FARS2: variants seen among roughly 807,000 people sequenced by gnomAD.
FARS2 encodes phenylalanyl-tRNA synthetase 2, mitochondrial, also known as phenylalanine--tRNA ligase, mitochondrial.
Under a neutral mutation model 46.4 loss-of-function variants are expected in FARS2, and 40 were observed. That is an observed-to-expected ratio of 0.86 (90% CI 0.67 to 1.12). The LOEUF is 1.12. Ranked by LOEUF, FARS2 falls within the 50% of genes most tolerant of loss-of-function variation. The probability of loss-of-function intolerance (pLI) is 0.00; values close to 1 mark genes in which losing one functional copy is unlikely to be tolerated. For missense variants in FARS2, 513 were observed against 567.9 expected (o/e 0.90, Z 0.98); for synonymous variants, 234 against 214.9 (o/e 1.09, Z -0.78).
chr6:5,682,887 A>G (rs777474371), intron 6 of FARS2, among the ~76,000 whole-genome samples: 7 of 152,224 alleles, frequency 4.6e-5, no homozygotes, highest in Admixed American at 1.3e-4. Context: ...CATTTTAAGG[A>G]GAGTCAGGGA....
chr6:5,554,613 T>C (rs756844071), intron 5 of FARS2, among the ~76,000 whole-genome samples: 3 of 152,224 alleles, frequency 2.0e-5, no homozygotes, highest in Non-Finnish European at 4.4e-5. Flanking sequence ...GAGGACCTTA[T>C]AATACTTGGC....
intron 2 of FARS2, among the ~76,000 whole-genome samples, chr6:5,388,727 G>A (rs1259425438): frequency 1.3e-5 from 2 of 151,862 alleles, no homozygotes; most frequent in African/African-American, 4.8e-5. Flanking sequence ...AATTCATAAG[G>A]AAGAGAGCAT....
rs546857595 is a variant in FARS2, at chr6:5,285,547, T to G, written c.-22+23887T>G. On this transcript the variant is annotated intron_variant, in intron 1 of 6. Coordinates refer to ENST00000274680, the MANE Select transcript of FARS2 (RefSeq NM_006567.5). Reference sequence around the variant, plus strand: ...CGGAGGACCATGGGGGACTCATCTTTGCACATGGTGGGTGCTCGCAGTTAT... The same window carrying G: ...CGGAGGACCATGGGGGACTCATCTTGGCACATGGTGGGTGCTCGCAGTTAT... Among the ~76,000 whole-genome samples, 3 of 152,362 alleles carry G rather than the reference T, an allele frequency of 2.0e-5. No individual in the cohort carries two copies. The East Asian group carries it at 5.8e-4, about 29-fold the overall frequency.
intron 5 of FARS2, among the ~76,000 whole-genome samples, chr6:5,597,322 C>T (rs1774256531): frequency 6.6e-6 from 1 of 152,144 alleles, no homozygotes; most frequent in South Asian, 2.1e-4. Context: ...GACTTTGGGC[C>T]ATGTTTGCCA....
intron 1 of FARS2, among the ~76,000 whole-genome samples, chr6:5,301,244 T>C (rs1768276809): frequency 1.3e-5 from 2 of 152,134 alleles, no homozygotes; most frequent in Admixed American, 1.3e-4. Flanking sequence ...GGCACTTACT[T>C]TTCTGATGCC....
intron 3 of FARS2, among the ~76,000 whole-genome samples, chr6:5,405,477 G>GTTTTTTTTTTTTTT (rs1554181324): frequency 1.7e-4 from 16 of 93,148 alleles, no homozygotes; most frequent in South Asian, 3.2e-4. Context: ...GTGGAGCAAG[G>GTTTTTTTTTTTTTT]TTCTTTTTTT....
At chr6:5,607,460 A>G (rs1774909702) in intron 5 of FARS2, among the ~76,000 whole-genome samples, 1 of 152,158 alleles carries the variant, frequency 6.6e-6, no homozygotes, top group Non-Finnish European at 1.5e-5. Context: ...ACTGGTTAGC[A>G]GAAAACACAA....
chr6:5,688,746 C>A (rs1041809347), intron 6 of FARS2, among the ~76,000 whole-genome samples: 1 of 152,126 alleles, frequency 6.6e-6, no homozygotes, highest in Non-Finnish European at 1.5e-5. Context: ...CCCCCTTTTT[C>A]TATTGATTGG....
intron 3 of FARS2, among the ~76,000 whole-genome samples, chr6:5,418,482 G>A (rs73350586): frequency 2.0e-5 from 3 of 152,258 alleles, no homozygotes; most frequent in African/African-American, 4.8e-5. Flanking sequence ...CCGATAACCC[G>A]TGAATTATGA....
chr6:5,378,911 G>A (rs1045718460), intron 2 of FARS2, among the ~76,000 whole-genome samples: 1 of 152,190 alleles, frequency 6.6e-6, no homozygotes, highest in African/African-American at 2.4e-5. Context: ...TTATTGGAGG[G>A]CAAAGCATGA....
chr6:5,266,512 TA>T (rs956501654), intron 1 of FARS2, among the ~76,000 whole-genome samples: 2 of 149,762 alleles, frequency 1.3e-5, no homozygotes, highest in African/African-American at 4.9e-5. Flanking sequence ...TAAAATAGAA[TA>T]AAAAAAAGAA....
intron 1 of FARS2, among the ~76,000 whole-genome samples, chr6:5,308,851 C>T (rs1768902720): frequency 1.3e-5 from 2 of 152,122 alleles, no homozygotes; most frequent in Non-Finnish European, 2.9e-5. Context: ...GCTGGGGAGT[C>T]CAAGATCAAA....
In FARS2 at chr6:5,343,272, C is replaced by T. The variant is rs867772773; in HGVS notation, c.-21-25278C>T. On this transcript the variant is annotated intron_variant, in intron 1 of 6. Coordinates refer to ENST00000274680, the MANE Select transcript of FARS2 (RefSeq NM_006567.5). The surrounding 1 kb of genome is among the most constrained non-coding windows in gnomAD (Gnocchi z 4.5). ...CGTTGCCCAGGCTGGAGTGCAGTGG[C>T]GCGATCTTGGCTCACTGCAACCTTC... 3.3e-5 allele frequency among the ~76,000 whole-genome samples: 5 copies of T among 152,212 alleles called. No homozygotes were observed. The highest frequency in any genetic ancestry group is 3.4e-3 in the Middle Eastern group (1 of 292).
At chr6:5,373,536 T>C (rs1759188979) in intron 2 of FARS2, among the ~76,000 whole-genome samples, 2 of 152,090 alleles carry the variant, frequency 1.3e-5, no homozygotes, top group South Asian at 2.1e-4. Flanking sequence ...ATGAAATAAA[T>C]AGAGGACTCA....
chr6:5,422,855 G>GA (rs1232229219), intron 3 of FARS2, among the ~76,000 whole-genome samples: 5 of 151,942 alleles, frequency 3.3e-5, no homozygotes, highest in African/African-American at 9.6e-5. Context: ...GACATTCAAT[G>GA]AAAAAAAATA....
intron 1 of FARS2, among the ~76,000 whole-genome samples, chr6:5,321,278 T>G (rs1241554702): frequency 6.6e-6 from 1 of 152,204 alleles, no homozygotes; most frequent in East Asian, 1.9e-4. Flanking sequence ...ACTTCTAAAA[T>G]CCTATGGGTA....
chr6:5,301,791 TCACACACACATA>T (rs1254394408), intron 1 of FARS2, among the ~76,000 whole-genome samples: 1 of 115,594 alleles, frequency 8.7e-6, no homozygotes, highest in African/African-American at 3.3e-5. Context: ...AGATGCTATC[TCACACACACATA>T]CACACACACA....
chr6:5,260,886 C>T (rs994447835), upstream of FARS2: 11 of 1,408,064 alleles, frequency 7.8e-6, no homozygotes, highest in African/African-American at 3.0e-5. Flanking sequence ...AAGCGGGCAG[C>T]CCTGCGGATC....
At chr6:5,667,704 T>C (rs150618715) in intron 6 of FARS2, among the ~76,000 whole-genome samples, 11 of 152,270 alleles carry the variant, frequency 7.2e-5, no homozygotes, top group African/African-American at 2.6e-4. Context: ...CAGAGCTGGA[T>C]AAGCCCTTAG....
Sources: gnomAD v4.1 joint callset for allele counts (sites outside exome capture counted in the v4.1 genomes callset) on GRCh38, gnomAD v4.1.1 for gene constraint, Gnocchi (gnomAD v3.1) non-coding constraint, MANE v1.5 for transcripts, NCBI Gene and HGNC (gene_info 2026-07-23, HGNC 2026-07-21) for gene names.